The following MAP3K19 variants were observed in gnomAD, a reference collection of about 807,000 sequenced individuals.
MAP3K19 encodes SPS1/STE20-related protein kinase YSK4.
A neutral mutation model predicts 114.4 loss-of-function variants in MAP3K19; 91 were observed. That is an observed-to-expected ratio of 0.80 (90% CI 0.67 to 0.95). MAP3K19 has a LOEUF of 0.95. Among genes scored for constraint, MAP3K19 ranks in the 40% least tolerant of loss-of-function variants. MAP3K19 has a pLI of 0.00. For synonymous variants in MAP3K19, 518 were observed against 530.5 expected, an observed-to-expected ratio of 0.98 and a Z score of 0.32; for missense variants, 1,471 against 1,573.2, an observed-to-expected ratio of 0.94 and a Z score of 1.10.
intron 12 of MAP3K19, among the ~76,000 whole-genome samples, chr2:134,966,454 T>C (rs1362061664): frequency 6.6e-6 from 1 of 152,162 alleles, no homozygotes; most frequent in Non-Finnish European, 1.5e-5. Context: ...TATTTTCCCA[T>C]AATAAAAGAT....
Position 134,986,637 on chromosome 2 carries a change from A to C in MAP3K19, c.2235T>G (p.Ser745Arg). The change falls in exon 10 of 13, where the codon AGT (serine) becomes AGG (arginine). Residue 745 changes from serine (S) to arginine (R), a missense_variant. Coordinates refer to ENST00000392915, the MANE Select transcript of MAP3K19 (RefSeq NM_025052.5). ...EHKVLISKEK[S>R]SKAVHSNLHD... ...GTAGGTTGCTATGTACAGCCTTGGA[A>C]CTCTTTTCTTTAGAAATTAAGACTT... is the stretch of plus-strand genomic sequence containing the variant. 6.2e-7 allele frequency: 1 copy of C among 1,613,796 alleles called. No individual in the cohort carries two copies. The highest frequency in any genetic ancestry group is 8.5e-7 in the Non-Finnish European group (1 of 1,179,958).
intron 5 of MAP3K19, among the ~76,000 whole-genome samples, chr2:135,021,140 C>T (rs1317056443): frequency 6.6e-6 from 1 of 151,622 alleles, no homozygotes; most frequent in Non-Finnish European, 1.5e-5. Flanking sequence ...ATTTGTGTCC[C>T]ACCAAAATTT....
chr2:135,034,810 CG>C (rs1266771619), intron 2 of MAP3K19, among the ~76,000 whole-genome samples: 1 of 65,330 alleles, frequency 1.5e-5, no homozygotes, highest in Non-Finnish European at 2.9e-5. Context: ...AGGGGGAGAC[CG>C]TGGGCTGTGG....
At chr2:135,029,629 G>T (rs181209303) in intron 3 of MAP3K19, among the ~76,000 whole-genome samples, 6 of 152,278 alleles carry the variant, frequency 3.9e-5, no homozygotes, top group Non-Finnish European at 1.5e-5. Flanking sequence ...TACCATAAGG[G>T]ATTAGAAGAA....
At chr2:134,988,305 C>T (rs574752889) in intron 9 of MAP3K19, 52 bp from the exon 10 acceptor site, 20 of 1,439,514 alleles carry the variant, frequency 1.4e-5, no homozygotes, top group South Asian at 5.7e-5. Context: ...ATAAATATCA[C>T]GCTAACTCGT....
At chr2:135,021,631 G>A in intron 5 of MAP3K19, 84 bp downstream of exon 5, 1 of 668,718 alleles carries the variant, frequency 1.5e-6, no homozygotes, top group Non-Finnish European at 2.5e-6. Flanking sequence ...TGTAATATAT[G>A]AGTGTTATGA....
At chr2:134,989,011 C>T (rs1489672067) in intron 9 of MAP3K19, among the ~76,000 whole-genome samples, 1 of 152,152 alleles carries the variant, frequency 6.6e-6, no homozygotes, top group African/African-American at 2.4e-5. Context: ...CAACTACTCA[C>T]CATCGTTTTG....
intron 5 of MAP3K19, among the ~76,000 whole-genome samples, chr2:135,018,226 G>T (rs1687709683): frequency 6.8e-6 from 1 of 147,692 alleles, no homozygotes; most frequent in Non-Finnish European, 1.5e-5. Context: ...GGGCAGCGGA[G>T]GTTGTGGTGA....
chr2:134,975,734 A>C (rs999314904), intron 12 of MAP3K19, among the ~76,000 whole-genome samples: 2 of 152,154 alleles, frequency 1.3e-5, no homozygotes, highest in Admixed American at 6.5e-5. Flanking sequence ...TGGTGGCAGC[A>C]GCTGCAGCCA....
In MAP3K19 at chr2:135,024,719, T is replaced by A; in HGVS notation, c.-72A>T. 1 of 1,324,340 alleles carries A rather than the reference T, an allele frequency of 7.6e-7. No individual in the cohort carries two copies. The highest frequency in any genetic ancestry group is 1.1e-6 in the Non-Finnish European group (1 of 923,860). 82.0% of individuals were successfully genotyped at this position (1,324,340 alleles called of 1,614,324 possible). On this transcript the variant is annotated 5_prime_UTR_variant, in exon 4 of 13. Coordinates refer to ENST00000392915, the MANE Select transcript of MAP3K19 (RefSeq NM_025052.5). ...ACATAATGTATTGCTGATTTTCCAC[T>A]AAAATCACAAAGTTTAGGATCTCTA...
intron 1 of MAP3K19, among the ~76,000 whole-genome samples, chr2:135,044,267 T>C (rs1558748814): frequency 6.6e-6 from 1 of 152,132 alleles, no homozygotes. Context: ...GGTATCTCAC[T>C]CCAGAGAGAT....
chr2:134,971,008 GA>G (rs901758069), intron 12 of MAP3K19, among the ~76,000 whole-genome samples: 51 of 152,278 alleles, frequency 3.3e-4, no homozygotes, highest in African/African-American at 1.1e-3. Context: ...GTTCTAAGAA[GA>G]AAGGCTTTCA....
chr2:135,026,345 G>T (rs1315347666), intron 3 of MAP3K19, among the ~76,000 whole-genome samples: 1 of 152,212 alleles, frequency 6.6e-6, no homozygotes, highest in Non-Finnish European at 1.5e-5. Context: ...TCTCTGGGAT[G>T]ACGTCCAGGA....
In MAP3K19 at chr2:134,982,221, C is replaced by G. The variant is rs574884052; in HGVS notation, c.3223-703G>C. On this transcript the variant is annotated intron_variant, in intron 11 of 12. Transcript: ENST00000392915. Reference sequence around the variant, plus strand: ...GCAGCCTCAAATTCCTGGGCTCAAGCGATCCTCCTGCCTCAGTGTCCTGAG... The same window carrying G: ...GCAGCCTCAAATTCCTGGGCTCAAGGGATCCTCCTGCCTCAGTGTCCTGAG... Among the ~76,000 whole-genome samples, 5 of 147,482 alleles carry G rather than the reference C, an allele frequency of 3.4e-5. No individual in the cohort carries two copies. In the East Asian group the frequency reaches 8.0e-4, roughly 24 times the overall value.
chr2:134,985,341 G>A (rs968400197), intron 10 of MAP3K19, among the ~76,000 whole-genome samples: 1 of 152,138 alleles, frequency 6.6e-6, no homozygotes, highest in Non-Finnish European at 1.5e-5. Flanking sequence ...CAGGTGTAGG[G>A]GCTCTGAGAA....
chr2:135,021,498 G>A (rs1011549684), intron 5 of MAP3K19, among the ~76,000 whole-genome samples: 2 of 148,922 alleles, frequency 1.3e-5, no homozygotes, highest in African/African-American at 2.5e-5. Flanking sequence ...ACACACACAC[G>A]TGTACACACA....
Position 135,000,027 on chromosome 2 carries a change from T to A in MAP3K19, c.236-12A>T. The A allele has an allele frequency of 1.3e-6, 2 of 1,559,822 alleles. No individual in the cohort carries two copies. Among genetic ancestry groups the A allele is most frequent in the Admixed American group, 3.3e-5 (2 of 59,886 alleles). ...AGTGATCTCAACACCTGTAGAAACATACCACAGTAGTAGAAGGAAGAAAGT... is the reference window on the plus strand; with the variant it reads ...AGTGATCTCAACACCTGTAGAAACAAACCACAGTAGTAGAAGGAAGAAAGT... On this transcript the variant is annotated splice_polypyrimidine_tract_variant and intron_variant, in intron 6 of 12. Transcript: ENST00000392915.
At chr2:135,023,383 C>T (rs1039924439) in intron 4 of MAP3K19, 3 of 520,062 alleles carry the variant, frequency 5.8e-6, no homozygotes, top group Non-Finnish European at 1.2e-5. Context: ...TTCTCACTCT[C>T]ATCAGTCCCT....
In MAP3K19 at chr2:135,036,852, A is replaced by G. The variant is rs755323179; in HGVS notation, c.-284+3511T>C. 6.4e-4 allele frequency among the ~76,000 whole-genome samples: 98 copies of G among 152,138 alleles called. 1 individual carries two copies. The highest frequency in any genetic ancestry group is 2.2e-4 in the African/African-American group (9 of 41,434). On this transcript the variant is annotated intron_variant, in intron 2 of 12. Transcript: ENST00000392915. Reference sequence around the variant, plus strand: ...ATACTTGAAGAAAAATTGGAGTCCAATGGTGCTAAGAGGTAGAAGCGGCAA... The same window carrying G: ...ATACTTGAAGAAAAATTGGAGTCCAGTGGTGCTAAGAGGTAGAAGCGGCAA...
Sources: gnomAD v4.1 joint callset for allele counts (sites outside exome capture counted in the v4.1 genomes callset) on GRCh38, gnomAD v4.1.1 for gene constraint, MANE v1.5 for transcripts, NCBI Gene and HGNC (gene_info 2026-07-23, HGNC 2026-07-21) for gene names.